KDSR: variants seen among roughly 807,000 people sequenced by gnomAD.
The protein encoded by KDSR is 3-dehydrosphinganine reductase.
In KDSR, 23 loss-of-function variants were observed where a neutral mutation model predicts 41.3. That is an observed-to-expected ratio of 0.56 (90% confidence interval 0.40 to 0.79). The LOEUF (loss-of-function observed/expected upper bound fraction) is 0.79, where lower values mean the gene tolerates loss of function less well. Among genes scored for constraint, KDSR ranks in the 30% least tolerant of loss-of-function variants. The pLI, the probability that KDSR is intolerant of heterozygous loss-of-function variation, is 0.00. For synonymous variants in KDSR, 138 were observed against 151.7 expected, an observed-to-expected ratio of 0.91 and a Z score of 0.66; for missense variants, 351 against 416.8, an observed-to-expected ratio of 0.84 and a Z score of 1.37.
intron 3 of KDSR, among the ~76,000 whole-genome samples, chr18:63,356,665 G>A (rs976445431): frequency 6.6e-6 from 1 of 152,196 alleles, no homozygotes; most frequent in Non-Finnish European, 1.5e-5. Flanking sequence ...AAGTCCTTTG[G>A]TAGATGAAGA....
chr18:63,351,170 A>G (rs998482085), intron 5 of KDSR, 91 bp from the exon 6 acceptor site: 56 of 1,061,554 alleles, frequency 5.3e-5, no homozygotes, highest in Non-Finnish European at 7.6e-5. Context: ...CAGTTCTTCA[A>G]TGCAAGCTCA....
In KDSR at chr18:63,331,691, C is replaced by T. The variant is rs1599319156; in HGVS notation, c.*91G>A. On this transcript the variant is annotated 3_prime_UTR_variant, in exon 10 of 10. Transcript: ENST00000645214. The stretch of plus-strand genomic sequence containing the variant: ...CAATCTGACGTATTCGAAAACAATA[C>T]ATAAGTGTCTATAGGCCAAAAATTG... 3.9e-6 allele frequency: 5 copies of T among 1,297,972 alleles called. No homozygotes were observed. The highest frequency in any genetic ancestry group is 2.7e-5 in the South Asian group (2 of 73,764). 80.4% of individuals were successfully genotyped at this position (1,297,972 alleles called of 1,614,324 possible).
intron 6 of KDSR, chr18:63,345,568 G>T (rs909264957): frequency 6.6e-6 from 1 of 152,202 alleles, no homozygotes; most frequent in African/African-American, 2.4e-5. Context: ...GCAGCTGATA[G>T]ATCAGCCACT....
intron 1 of KDSR, among the ~76,000 whole-genome samples, chr18:63,363,285 T>C: frequency 7.0e-6 from 1 of 143,446 alleles, no homozygotes; most frequent in Non-Finnish European, 1.5e-5. Context: ...GTTAGTTACA[T>C]ATGTATACAT....
chr18:63,342,167 AC>A (rs1914360402), intron 7 of KDSR, among the ~76,000 whole-genome samples: 4 of 139,570 alleles, frequency 2.9e-5, no homozygotes, highest in African/African-American at 7.9e-5. Context: ...AGACTCTATC[AC>A]AAAAAAAAAA....
At chr18:63,350,617 T>C (rs1159912574) in intron 6 of KDSR, among the ~76,000 whole-genome samples, 1 of 152,228 alleles carries the variant, frequency 6.6e-6, no homozygotes, top group Non-Finnish European at 1.5e-5. Flanking sequence ...ATTAGACTAA[T>C]AACACTATGA....
At chr18:63,340,684 G>A (rs1914319357) in intron 7 of KDSR, among the ~76,000 whole-genome samples, 1 of 152,204 alleles carries the variant, frequency 6.6e-6, no homozygotes, top group African/African-American at 2.4e-5. Context: ...TCTGTTTTAA[G>A]TGCTATGAGA....
At chr18:63,345,534 C>T (rs1180263394) in intron 6 of KDSR, 1 of 152,178 alleles carries the variant, frequency 6.6e-6, no homozygotes, top group Non-Finnish European at 1.5e-5. Flanking sequence ...CTAGGAAACA[C>T]CTAAGGGATC....
chr18:63,347,640 C>A (rs1914548933), intron 6 of KDSR, among the ~76,000 whole-genome samples: 1 of 151,834 alleles, frequency 6.6e-6, no homozygotes, highest in Non-Finnish European at 1.5e-5. Context: ...AGAATTCAAG[C>A]TTTAGCTTAC....
intron 6 of KDSR, among the ~76,000 whole-genome samples, chr18:63,348,409 C>T (rs1000538395): frequency 2.0e-5 from 3 of 151,532 alleles, no homozygotes; most frequent in Admixed American, 1.3e-4. Flanking sequence ...CCAAATTATC[C>T]AGGTTTCAAA....
intron 1 of KDSR, chr18:63,366,723 C>T: frequency 2.9e-6 from 1 of 342,434 alleles, no homozygotes; most frequent in Non-Finnish European, 5.3e-6. Flanking sequence ...GATTCACGAG[C>T]AGCCACAGAA....
At chr18:63,355,415 C>T (rs1323676760) in intron 4 of KDSR, 83 bp downstream of exon 4, 15 of 1,608,994 alleles carry the variant, frequency 9.3e-6, no homozygotes, top group Non-Finnish European at 1.0e-5. Flanking sequence ...GAAGTTGTGT[C>T]CATTCCAAGC....
chr18:63,340,182 A>T (rs1914304706), intron 7 of KDSR, among the ~76,000 whole-genome samples: 1 of 152,198 alleles, frequency 6.6e-6, no homozygotes, highest in Non-Finnish European at 1.5e-5. Context: ...TCAGAATCAA[A>T]CCTTAACAGG....
intron 1 of KDSR, among the ~76,000 whole-genome samples, chr18:63,364,274 A>ATT (rs1915073457): frequency 6.6e-6 from 1 of 151,898 alleles, no homozygotes. Flanking sequence ...ACAGCTCTAG[A>ATT]TTTATTTGTG....
At chr18:63,347,829 C>T (rs1914555923) in intron 6 of KDSR, among the ~76,000 whole-genome samples, 1 of 151,798 alleles carries the variant, frequency 6.6e-6, no homozygotes, top group Admixed American at 6.6e-5. Context: ...TACCTTTCTT[C>T]CTAAAAGACT....
intron 3 of KDSR, among the ~76,000 whole-genome samples, chr18:63,357,555 C>CATACATACATACACATATAT (rs1914831410): frequency 9.0e-6 from 1 of 110,738 alleles, no homozygotes. Context: ...CATATATATA[C>CATACATACATACACATATAT]ATACATACAT....
In KDSR at chr18:63,342,821, G is replaced by C. The variant is rs375105505; in HGVS notation, c.693+1589C>G. Among the ~76,000 whole-genome samples, 22 of 152,256 alleles carry C rather than the reference G, an allele frequency of 1.4e-4. No individual in the cohort carries two copies. The East Asian group carries it at 3.7e-3, about 25-fold the overall frequency. On this transcript the variant is annotated intron_variant, in intron 7 of 9. Coordinates refer to ENST00000645214, the MANE Select transcript of KDSR (RefSeq NM_002035.4). ...AAACTATCTGATATGGTTCGGATCTGTGTCCCCATGCAAATCTCAGGTCCA... is the reference window on the plus strand; with the variant it reads ...AAACTATCTGATATGGTTCGGATCTCTGTCCCCATGCAAATCTCAGGTCCA...
At chr18:63,342,039 C>T (rs1269033116) in intron 7 of KDSR, among the ~76,000 whole-genome samples, 3 of 151,586 alleles carry the variant, frequency 2.0e-5, no homozygotes, top group African/African-American at 4.9e-5. Context: ...CTTGGTGGCA[C>T]GCACCTGTAA....
At chr18:63,353,689 A>G (rs973081258) in intron 5 of KDSR, among the ~76,000 whole-genome samples, 3 of 152,240 alleles carry the variant, frequency 2.0e-5, no homozygotes, top group Non-Finnish European at 2.9e-5. Flanking sequence ...CTACATGTGG[A>G]TGAGCCTCAA....
Sources: allele counts gnomAD v4.1 joint callset (sites outside exome capture counted in the v4.1 genomes callset), GRCh38; gene constraint gnomAD v4.1.1; transcripts MANE v1.5; gene names NCBI Gene and HGNC (gene_info 2026-07-23, HGNC 2026-07-21).